RANBP1: variants seen among roughly 807,000 people sequenced by gnomAD.
RANBP1 encodes ran-specific GTPase-activating protein.
A neutral mutation model predicts 31.4 loss-of-function variants in RANBP1; 16 were observed. The ratio of observed to expected loss-of-function variants is 0.51; its 90% CI spans 0.34 to 0.77. The LOEUF (loss-of-function observed/expected upper bound fraction) is 0.77, where lower values mean the gene tolerates loss of function less well. Ranked by LOEUF, RANBP1 falls within the 30% of genes least tolerant of loss-of-function variation. The probability of loss-of-function intolerance (pLI) is 0.01; values close to 1 mark genes in which losing one functional copy is unlikely to be tolerated. For synonymous variants in RANBP1, 129 were observed against 140.5 expected (o/e 0.92, Z 0.58); for missense variants, 265 against 362.0 (o/e 0.73, Z 2.17).
rs752453630 is a variant in RANBP1, at chr22:20,122,279, C to T, written c.399C>T (p.Phe133=). ...TTTCTTGCAGGCGGGCAAAACTGTTCCGATTTGCCTCTGAGAACGATCTCC... is the reference window on the plus strand; with the variant it reads ...TTTCTTGCAGGCGGGCAAAACTGTTTCGATTTGCCTCTGAGAACGATCTCC... ...EELFKMRAKL[F]RFASENDLPE... Residue 133 remains phenylalanine, a synonymous_variant, in exon 3 of 6, where the codon TTC becomes TTT. Transcript: ENST00000430524. The T allele has an allele frequency of 6.2e-7, 1 of 1,612,830 alleles. No homozygotes were observed. Among genetic ancestry groups the T allele is most frequent in the Non-Finnish European group, 8.5e-7 (1 of 1,179,604 alleles).
In RANBP1 at chr22:20,116,293, G is replaced by A. The variant is rs762273857; in HGVS notation, c.109G>A (p.Val37Ile). ...GTCCCTCTCTGCAGCGCTGCGGAAT[G>A]TCACAAAGGCGCAGGGTGGTTGCCC... ...ALSLSAALRN[V>I]TKAQGGCPKS... is the part of the protein sequence containing the mutation. Residue 37 changes from valine (V) to isoleucine (I), a missense_variant, in exon 1 of 6, where the codon GTC (valine) becomes ATC (isoleucine). Around this residue, in one of 3 missense-constraint regions of RANBP1, gnomAD observed 126 missense variants for 123.6 expected, o/e 1.02. Coordinates refer to ENST00000430524, the MANE Select transcript of RANBP1 (RefSeq NM_001278639.2). The A allele has an allele frequency of 5.0e-6, 8 of 1,612,966 alleles. No individual in the cohort carries two copies. In the East Asian group the frequency reaches 8.9e-5, roughly 18 times the overall value.
intron 2 of RANBP1, among the ~76,000 whole-genome samples, 165 bp from the exon 3 acceptor site, chr22:20,122,099 G>A (rs900300364): frequency 2.6e-5 from 4 of 152,184 alleles, no homozygotes; most frequent in South Asian, 2.1e-4. Context: ...GGGCTGCTGC[G>A]CTTTCTGGTG....
At chr22:20,125,517 GT>G in intron 4 of RANBP1, 81 bp downstream of exon 4, 1 of 1,547,760 alleles carries the variant, frequency 6.5e-7, no homozygotes, top group East Asian at 2.4e-5. Flanking sequence ...AACAAATGCT[GT>G]TGCCTTTTGG....
chr22:20,119,102 G>C lies in RANBP1; in HGVS notation c.336G>C (p.Glu112Asp), dbSNP rs753621407. Residue 112 changes from glutamate (E) to aspartate (D), a missense_variant, in exon 2 of 6, where the codon GAG becomes GAC. Glu to Asp is a conservative substitution (Grantham distance 45). Coordinates refer to ENST00000430524, the MANE Select transcript of RANBP1 (RefSeq NM_001278639.2). ...PQFEPIVSLP[E>D]QEIKTLEEDE... ...TTGAGCCAATAGTTTCTCTTCCTGA[G>C]CAAGAAATTAAAACACTGGAAGAAG... The C allele has an allele frequency of 1.9e-6, 3 of 1,612,776 alleles. No individual in the cohort carries two copies.
intron 1 of RANBP1, chr22:20,117,084 G>A (rs887496600): frequency 1.2e-6 from 1 of 821,430 alleles, no homozygotes; most frequent in Non-Finnish European, 1.9e-6. Flanking sequence ...CCCAGGCGGG[G>A]CGGGACTCGA....
rs2050319657 is a variant in RANBP1, at chr22:20,127,191, G to A, written c.*139G>A. ...ATAAAGAACTGAACTCAACATTCAG[G>A]TTGTTTTTTTTTTTTGTTTCTAAGT... On this transcript the variant is annotated 3_prime_UTR_variant, in exon 6 of 6. Coordinates refer to ENST00000430524, the MANE Select transcript of RANBP1 (RefSeq NM_001278639.2). 5.0e-6 allele frequency: 3 copies of A among 602,312 alleles called. No homozygotes were observed. The highest frequency in any genetic ancestry group is 7.6e-6 in the Non-Finnish European group (3 of 392,590). 37.3% of individuals were successfully genotyped at this position (602,312 alleles called of 1,614,324 possible).
Position 20,127,118 on chromosome 22 carries a change from C to G in RANBP1, c.*66C>G, listed in dbSNP as rs369996254. On this transcript the variant is annotated 3_prime_UTR_variant, in exon 6 of 6. Transcript: ENST00000430524. ...TTTTTTAAAAAATTTTACCCTGCCC[C>G]TCTTTTTCGGTTTGTTTTTATTCTT... 1 of 1,354,874 alleles carries G rather than the reference C, an allele frequency of 7.4e-7. No individual in the cohort carries two copies. Among genetic ancestry groups the G allele is most frequent in the African/African-American group, 1.5e-5 (1 of 67,434 alleles). The allele number at this position is 1,354,874 out of a possible 1,614,324, so 83.9% of individuals were successfully genotyped here.
chr22:20,123,418 GGGTGTGTGGTGTTGGGGGGGGTGTGT>G (rs1027634264), intron 3 of RANBP1, among the ~76,000 whole-genome samples: 1 of 69,840 alleles, frequency 1.4e-5, no homozygotes, highest in African/African-American at 4.5e-5. Context: ...GGGGGTGTTG[GGGTGTGTGGTGTTGGGGGGGGTGTGT>G]GGTGTCTGGG....
intron 2 of RANBP1, among the ~76,000 whole-genome samples, chr22:20,121,869 G>C: frequency 7.2e-6 from 1 of 138,580 alleles, no homozygotes; most frequent in African/African-American, 2.7e-5. Context: ...CTCCTGAGTA[G>C]CTGGGATTAC....
intron 4 of RANBP1, 77 bp downstream of exon 4, chr22:20,125,513 T>C (rs2147992337): frequency 1.3e-6 from 2 of 1,549,086 alleles, no homozygotes; most frequent in East Asian, 2.4e-5. Flanking sequence ...GTGCAACAAA[T>C]GCTGTTGCCT....
At chr22:20,123,430 T>TC (rs201603696) in intron 3 of RANBP1, among the ~76,000 whole-genome samples, 15 of 32,454 alleles carry the variant, frequency 4.6e-4, no homozygotes, top group South Asian at 3.6e-3. Context: ...GTGTGTGGTG[T>TC]TGGGGGGGGT....
At chr22:20,117,728 C>T in intron 1 of RANBP1, 1 of 1,106,334 alleles carries the variant, frequency 9.0e-7, no homozygotes. Flanking sequence ...TCAGCGGCCA[C>T]GTGGGCGGCC....
chr22:20,120,769 C>T (rs1383293998), intron 2 of RANBP1, among the ~76,000 whole-genome samples: 1 of 152,206 alleles, frequency 6.6e-6, no homozygotes, highest in African/African-American at 2.4e-5. Flanking sequence ...GCCTCAGCCT[C>T]CCAAAATGCT....
intron 1 of RANBP1, chr22:20,116,691 C>T: frequency 2.7e-6 from 4 of 1,480,810 alleles, no homozygotes; most frequent in Non-Finnish European, 1.8e-6. Context: ...TATGGGACAC[C>T]CAGACCTCCG....
chr22:20,122,249 C>T lies in RANBP1; in HGVS notation c.384-15C>T, dbSNP rs367782836. On this transcript the variant is annotated splice_polypyrimidine_tract_variant and intron_variant, in intron 2 of 5. Transcript: ENST00000430524. ...CTGCAGGTCTGCACTCTTAACCTCACGGCTTTTCTTGCAGGCGGGCAAAAC... is the reference window on the plus strand; with the variant it reads ...CTGCAGGTCTGCACTCTTAACCTCATGGCTTTTCTTGCAGGCGGGCAAAAC... 1.1e-5 allele frequency: 18 copies of T among 1,611,652 alleles called. 1 individual carries two copies. The highest frequency in any genetic ancestry group is 1.1e-4 in the South Asian group (10 of 90,974).
At position 20,126,776 on chromosome 22, in the gene RANBP1, C is replaced by T. The variant is rs372838734; in HGVS notation, c.737-176C>T. The T allele has an allele frequency of 1.3e-4, 171 of 1,333,996 alleles. No individual in the cohort carries two copies. The African/African-American group carries it at 2.0e-3, about 16-fold the overall frequency. The allele number at this position is 1,333,996 out of a possible 1,614,324, so 82.6% of individuals were successfully genotyped here. A position where few individuals can be genotyped will look rare whatever the true frequency, so the allele number is the denominator to read the frequency against. On this transcript the variant is annotated intron_variant, in intron 5 of 5. Transcript: ENST00000430524. ...TGAGTGCATCCACCTGGCTTCCTTTCGTCACTGAATTTCAAGAAGACAGAC... is the reference window on the plus strand; with the variant it reads ...TGAGTGCATCCACCTGGCTTCCTTTTGTCACTGAATTTCAAGAAGACAGAC...
chr22:20,126,380 C>T lies in RANBP1; in HGVS notation c.736+12C>T. ...GAGAGAAAAGAAAGGTGACGTGGTG[C>T]CATGGGTTGGGGGGCTTCTTTGCAG... is the stretch of plus-strand genomic sequence containing the variant. On this transcript the variant is annotated intron_variant, in intron 5 of 5. Coordinates refer to ENST00000430524, the MANE Select transcript of RANBP1 (RefSeq NM_001278639.2). 3 of 1,613,926 alleles carry T rather than the reference C, an allele frequency of 1.9e-6. No homozygotes were observed. Among genetic ancestry groups the T allele is most frequent in the Non-Finnish European group, 2.5e-6 (3 of 1,179,968 alleles).
chr22:20,121,895 C>T (rs1450367589), intron 2 of RANBP1, among the ~76,000 whole-genome samples: 1 of 138,692 alleles, frequency 7.2e-6, no homozygotes, highest in Non-Finnish European at 1.6e-5. Flanking sequence ...TGCATCACCA[C>T]ACTCAGATGA....
Position 20,126,297 on chromosome 22 carries a change from C to A in RANBP1, c.671-6C>A, listed in dbSNP as rs546368442. The A allele has an allele frequency of 5.0e-6, 8 of 1,612,234 alleles. No homozygotes were observed. The highest frequency in any genetic ancestry group is 6.8e-6 in the Non-Finnish European group (8 of 1,179,220). On this transcript the variant is annotated splice_region_variant and splice_polypyrimidine_tract_variant and intron_variant, in intron 4 of 5. Transcript: ENST00000430524. ...TCTTAGGAAGTCTTCGCTCTCCCTT[C>A]CACAGATGCACAGAAATTCAAAACA...
Sources: gnomAD v4.1 joint callset for allele counts (sites outside exome capture counted in the v4.1 genomes callset) on GRCh38, gnomAD v4.1.1 for gene constraint, gnomAD v4.1.1 regional missense constraint, MANE v1.5 for transcripts, NCBI Gene and HGNC (gene_info 2026-07-23, HGNC 2026-07-21) for gene names.